The following NME7 variants were observed in gnomAD, a reference collection of about 807,000 sequenced individuals.
The protein encoded by NME7 is nucleoside diphosphate kinase 7.
In NME7, 41 loss-of-function variants were observed where a neutral mutation model predicts 49.1. The observed-to-expected ratio is 0.83, with a 90% CI of 0.65 to 1.08. The LOEUF is 1.08. NME7 is among the 50% of genes least tolerant of loss of function. The pLI is 0.00. For missense variants in NME7, 423 were observed against 463.4 expected, an observed-to-expected ratio of 0.91 and a Z score of 0.80; for synonymous variants, 139 against 150.6, an observed-to-expected ratio of 0.92 and a Z score of 0.56.
chr1:169,151,104 G>C (rs1363909794), intron 11 of NME7, among the ~76,000 whole-genome samples: 1 of 152,162 alleles, frequency 6.6e-6, no homozygotes, highest in Non-Finnish European at 1.5e-5. Context: ...TGCTGGATTG[G>C]AGCATTAGAG....
intron 10 of NME7, among the ~76,000 whole-genome samples, chr1:169,195,649 T>C (rs141396486): frequency 6.6e-6 from 1 of 152,318 alleles, no homozygotes; most frequent in East Asian, 1.9e-4. Flanking sequence ...TCTGGGTCAT[T>C]AACTGGATAT....
At chr1:169,293,703 T>C (rs1650601866) in intron 6 of NME7, among the ~76,000 whole-genome samples, 1 of 152,192 alleles carries the variant, frequency 6.6e-6, no homozygotes. Flanking sequence ...TTTCATAAGT[T>C]TGTTAAACTT....
At chr1:169,341,045 G>A (rs9628661) in intron 1 of NME7, among the ~76,000 whole-genome samples, 6,583 of 152,258 alleles carry the variant, frequency 0.043, 207 homozygotes, top group East Asian at 0.12. Flanking sequence ...AATGAGGAAC[G>A]GAATGTTAAT....
intron 11 of NME7, among the ~76,000 whole-genome samples, chr1:169,135,014 C>CAAAAAAAAAAAAAAAAAAAAAAAA (rs58463903): frequency 4.0e-5 from 2 of 50,390 alleles, no homozygotes; most frequent in African/African-American, 1.5e-4. Flanking sequence ...CCCGTCTCTA[C>CAAAAAAAAAAAAAAAAAAAAAAAA]AAAAAAAAAA....
chr1:169,348,011 G>A (rs75255314), intron 1 of NME7, among the ~76,000 whole-genome samples: 2,219 of 152,238 alleles, frequency 0.015, 58 homozygotes, highest in African/African-American at 0.05. Context: ...GCTACAGTTG[G>A]CTACTGATTC....
At position 169,257,430 on chromosome 1, in the gene NME7, C is replaced by T. The variant is rs1018405981; in HGVS notation, c.755-19743G>A. Among the ~76,000 whole-genome samples the T allele has an allele frequency of 6.7e-5, 9 of 133,896 alleles. 1 individual carries two copies. Among genetic ancestry groups the T allele is most frequent in the South Asian group, 2.3e-4 (1 of 4,338 alleles). The allele number at this position is 133,896 out of a possible 152,430, so 87.8% of individuals were successfully genotyped here. On this transcript the variant is annotated intron_variant, in intron 7 of 11. Transcript: ENST00000367811. ...GCCTCGCCCTGCTTCGGCTTGCGAA[C>T]GGTACGCGCACCCACTGACCTGCGC...
intron 10 of NME7, among the ~76,000 whole-genome samples, chr1:169,229,813 T>A (rs1010266726): frequency 2.6e-5 from 4 of 151,922 alleles, no homozygotes; most frequent in Non-Finnish European, 5.9e-5. Flanking sequence ...ATACAAAAGA[T>A]TAGCCAGGCG....
At chr1:169,298,502 A>G (rs1246236415) in intron 6 of NME7, 54 bp downstream of exon 6, 1 of 1,539,050 alleles carries the variant, frequency 6.5e-7, no homozygotes, top group African/African-American at 1.4e-5. Flanking sequence ...TTCCTTTGAT[A>G]TAAAACATTT....
intron 10 of NME7, among the ~76,000 whole-genome samples, chr1:169,179,596 A>G (rs530896269): frequency 6.6e-6 from 1 of 152,338 alleles, no homozygotes; most frequent in Non-Finnish European, 1.5e-5. Context: ...AAGAAAATGT[A>G]CATATACACC....
chr1:169,229,160 T>C (rs1306170708), intron 10 of NME7, among the ~76,000 whole-genome samples: 1 of 152,240 alleles, frequency 6.6e-6, no homozygotes, highest in Non-Finnish European at 1.5e-5. Context: ...ACAATTTTTA[T>C]CCTGGCTTCT....
chr1:169,242,263 C>T (rs2101834304), intron 7 of NME7, among the ~76,000 whole-genome samples: 1 of 151,986 alleles, frequency 6.6e-6, no homozygotes, highest in Admixed American at 6.6e-5. Context: ...AATATATTAA[C>T]AGGCTAAGGA....
intron 3 of NME7, among the ~76,000 whole-genome samples, chr1:169,317,424 G>T (rs112850208): frequency 6.6e-6 from 1 of 152,164 alleles, no homozygotes; most frequent in African/African-American, 2.4e-5. Context: ...TATTTGGGAG[G>T]CAGTTACACT....
At chr1:169,340,215 G>T (rs1346102521) in intron 1 of NME7, among the ~76,000 whole-genome samples, 1 of 152,108 alleles carries the variant, frequency 6.6e-6, no homozygotes, top group Non-Finnish European at 1.5e-5. Flanking sequence ...GGATTACAGG[G>T]GCAGTTTCCC....
At chr1:169,343,978 C>A (rs565770769) in intron 1 of NME7, among the ~76,000 whole-genome samples, 1 of 152,312 alleles carries the variant, frequency 6.6e-6, no homozygotes, top group East Asian at 1.9e-4. Flanking sequence ...ATAGGAATTG[C>A]ACTAAATCTA....
intron 7 of NME7, among the ~76,000 whole-genome samples, chr1:169,252,721 C>G (rs1648688767): frequency 6.7e-6 from 1 of 150,182 alleles, no homozygotes; most frequent in South Asian, 2.1e-4. Flanking sequence ...TTTAATCCAT[C>G]TTGAATTGAT....
chr1:169,178,993 G>C (rs1364095124), intron 10 of NME7, among the ~76,000 whole-genome samples: 1 of 151,800 alleles, frequency 6.6e-6, no homozygotes, highest in Non-Finnish European at 1.5e-5. Context: ...GCTAATTTTT[G>C]TATTTTTAGT....
intron 10 of NME7, among the ~76,000 whole-genome samples, chr1:169,198,883 C>A (rs985978927): frequency 1.3e-5 from 2 of 152,014 alleles, no homozygotes; most frequent in African/African-American, 2.4e-5. Context: ...CATGTATAGA[C>A]CTTGCTCAAT....
At chr1:169,281,993 C>T (rs550632172) in intron 7 of NME7, among the ~76,000 whole-genome samples, 2 of 152,160 alleles carry the variant, frequency 1.3e-5, no homozygotes, top group Admixed American at 1.3e-4. Context: ...CCCTCTTTTT[C>T]TATTGTTTGG....
chr1:169,307,812 G>A (rs943831762), intron 4 of NME7, among the ~76,000 whole-genome samples: 1 of 152,120 alleles, frequency 6.6e-6, no homozygotes, highest in Non-Finnish European at 1.5e-5. Context: ...TTGAGGTCAG[G>A]AGTTCAAGAC....
Sources: allele counts gnomAD v4.1 joint callset (sites outside exome capture counted in the v4.1 genomes callset), GRCh38; gene constraint gnomAD v4.1.1; transcripts MANE v1.5; gene names NCBI Gene and HGNC (gene_info 2026-07-23, HGNC 2026-07-21).